Variants in EML6 observed in about 807,000 individuals in gnomAD.
EML6 encodes the protein EMAP like 6.
Under a neutral mutation model 240.1 loss-of-function variants are expected in EML6, and 154 were observed. The observed-to-expected ratio is 0.64, with a 90% CI of 0.56 to 0.73. The LOEUF (loss-of-function observed/expected upper bound fraction) is 0.73. Among genes scored for constraint, EML6 ranks in the 30% least tolerant of loss-of-function variants. The pLI, the probability that EML6 is intolerant of heterozygous loss-of-function variation, is 0.00. For synonymous variants in EML6, 1,148 were observed against 899.0 expected (o/e 1.28, Z -4.95); for missense variants, 2,964 against 2,474.6 (o/e 1.20, Z -4.20).
intron 2 of EML6, among the ~76,000 whole-genome samples, chr2:54,767,604 G>GTGTA (rs1558534845): frequency 8.0e-6 from 1 of 125,372 alleles, no homozygotes; most frequent in African/African-American, 2.7e-5. Context: ...AAGAGTGTGT[G>GTGTA]TGTGTGTGTG....
chr2:54,775,318 C>T (rs753070427), intron 2 of EML6, among the ~76,000 whole-genome samples: 1 of 152,190 alleles, frequency 6.6e-6, no homozygotes, highest in Non-Finnish European at 1.5e-5. Flanking sequence ...TCTGTCCCAG[C>T]CATTTTGCTC....
chr2:54,962,492 C>A, intron 35 of EML6, 31 bp from the exon 36 acceptor site: 1 of 1,498,180 alleles, frequency 6.7e-7, no homozygotes. Context: ...CAGTATTTGT[C>A]CTTTTTCTAA....
At chr2:54,953,543 G>C (rs1188703448) in intron 31 of EML6, among the ~76,000 whole-genome samples, 2 of 152,112 alleles carry the variant, frequency 1.3e-5, no homozygotes, top group Non-Finnish European at 2.9e-5. Context: ...GCCAGGTCAG[G>C]CTATAGGTCT....
chr2:54,896,224 G>A (rs1672759495), intron 21 of EML6, among the ~76,000 whole-genome samples: 1 of 152,104 alleles, frequency 6.6e-6, no homozygotes, highest in East Asian at 1.9e-4. Context: ...GTCCAGGTGT[G>A]GAAGAAGTGC....
At chr2:54,821,960 T>C (rs1313837262) in intron 5 of EML6, among the ~76,000 whole-genome samples, 2 of 152,168 alleles carry the variant, frequency 1.3e-5, no homozygotes, top group Non-Finnish European at 2.9e-5. Context: ...GATGCAACTG[T>C]AGAAATATTA....
chr2:54,903,071 A>G lies in EML6; in HGVS notation c.3152A>G (p.Asp1051Gly). Reference protein sequence around the residue: ...KGGRCCAFSPDGKALAVGLND... With the variant: ...KGGRCCAFSPGGKALAVGLND... ...GGAAGATGCTGTGCCTTTTCCCCTG[A>G]TGGGAAAGCCTTAGCGGTTGGCTTG... is the stretch of plus-strand genomic sequence containing the variant. The change falls in exon 23 of 42, where the codon GAT becomes GGT. Residue 1051 changes from aspartate (D) to glycine (G), a missense_variant. Physicochemically the swap from Asp to Gly is moderately conservative, Grantham distance 94. Coordinates refer to ENST00000356458, the MANE Select transcript of EML6 (RefSeq NM_001039753.4). The G allele has an allele frequency of 1.3e-6, 2 of 1,551,716 alleles. No homozygotes were observed. Among genetic ancestry groups the G allele is most frequent in the Non-Finnish European group, 1.7e-6 (2 of 1,146,988 alleles).
rs1287746433 is a variant in EML6 at position 54,827,856 on chromosome 2, G to A, written c.711+105G>A. 4.0e-6 allele frequency: 3 copies of A among 753,318 alleles called. No homozygotes were observed. The Admixed American group carries it at 7.4e-5, about 19-fold the overall frequency. 46.7% of individuals were successfully genotyped at this position (753,318 alleles called of 1,614,324 possible). On this transcript the variant is annotated intron_variant, in intron 6 of 41. Transcript: ENST00000356458. ...TCTTGCTTTAGAATCAGAGAACCCT[G>A]CTGAACACTCCCTACTCATGATAAT...
rs183600149 is a variant in EML6, at chr2:54,918,352, C to T, written c.3675+1417C>T. ...CATTCCATTTATTTATTTATTTTAA[C>T]TAATGAATGAATGAATGACAGGGTT... On this transcript the variant is annotated intron_variant, in intron 26 of 41. Coordinates refer to ENST00000356458, the MANE Select transcript of EML6 (RefSeq NM_001039753.4). 2.0e-5 allele frequency among the ~76,000 whole-genome samples: 3 copies of T among 152,260 alleles called. No individual in the cohort carries two copies. The East Asian group carries it at 5.8e-4, about 29-fold the overall frequency.
chr2:54,961,349 T>A lies in EML6; in HGVS notation c.4968+1015T>A, dbSNP rs187385868. Among the ~76,000 whole-genome samples, 76 of 151,500 alleles carry A rather than the reference T, an allele frequency of 5.0e-4. 1 individual carries two copies. The highest frequency in any genetic ancestry group is 1.8e-3 in the African/African-American group (76 of 41,236). ...ACAGGTGCCCACCACCATGCCCAGC[T>A]AATTTTTTGTATTTTTAGTAGAGAT... is the stretch of plus-strand genomic sequence containing the variant. On this transcript the variant is annotated intron_variant, in intron 35 of 41. Transcript: ENST00000356458.
At chr2:54,914,216 A>G (rs183268664) in intron 25 of EML6, among the ~76,000 whole-genome samples, 1 of 152,322 alleles carries the variant, frequency 6.6e-6, no homozygotes, top group Admixed American at 6.5e-5. Flanking sequence ...ATAGTTGTCA[A>G]TCTGGTTTTA....
intron 7 of EML6, among the ~76,000 whole-genome samples, chr2:54,842,760 C>G (rs1669531049): frequency 6.6e-6 from 1 of 152,184 alleles, no homozygotes; most frequent in African/African-American, 2.4e-5. Context: ...GATACTGAGA[C>G]TCAGGCAAGT....
At chr2:54,961,575 G>T (rs1329348054) in intron 35 of EML6, among the ~76,000 whole-genome samples, 1 of 152,064 alleles carries the variant, frequency 6.6e-6, no homozygotes, top group East Asian at 1.9e-4. Context: ...TTGCTCTGCA[G>T]TCACTGGAAT....
intron 16 of EML6, among the ~76,000 whole-genome samples, chr2:54,873,264 CATT>C (rs1671347565): frequency 6.6e-6 from 1 of 152,152 alleles, no homozygotes; most frequent in Admixed American, 6.5e-5. Flanking sequence ...GCTGCTGTAT[CATT>C]ATTAGAAGTT....
At chr2:54,905,049 A>C (rs1275610841) in intron 24 of EML6, among the ~76,000 whole-genome samples, 1 of 152,148 alleles carries the variant, frequency 6.6e-6, no homozygotes, top group Non-Finnish European at 1.5e-5. Flanking sequence ...AAGTCCCAAC[A>C]AGGGCAAAGG....
Position 54,970,540 on chromosome 2 carries a change from T to G in EML6, c.*445T>G, listed in dbSNP as rs1365415773. On this transcript the variant is annotated 3_prime_UTR_variant, in exon 42 of 42. Transcript: ENST00000356458. ...TACAAATAAGTTGAACAAGACAGCC[T>G]AAGTTAGATGCACCGAAGTACTAGA... The G allele has an allele frequency of 6.0e-6, 1 of 167,604 alleles. No homozygotes were observed. Among genetic ancestry groups the G allele is most frequent in the East Asian group, 1.6e-4 (1 of 6,394 alleles). The allele number at this position is 167,604 out of a possible 1,614,324, so 10.4% of individuals were successfully genotyped here.
chr2:54,859,706 A>T lies in EML6; in HGVS notation c.1825+5A>T. 1.3e-6 allele frequency: 2 copies of T among 1,525,244 alleles called. No individual in the cohort carries two copies. Among genetic ancestry groups the T allele is most frequent in the South Asian group, 1.3e-5 (1 of 79,312 alleles). The allele number at this position is 1,525,244 out of a possible 1,614,324, so 94.5% of individuals were successfully genotyped here. A position where few individuals can be genotyped will look rare whatever the true frequency, so the allele number is the denominator to read the frequency against. ...TGCTGGAAACTGCACCCCAAGGTAAACCCAGCAATAATTTCTTAACATCAT... is the reference window on the plus strand; with the variant it reads ...TGCTGGAAACTGCACCCCAAGGTAATCCCAGCAATAATTTCTTAACATCAT... On this transcript the variant is annotated splice_donor_5th_base_variant and intron_variant, in intron 12 of 41. Coordinates refer to ENST00000356458, the MANE Select transcript of EML6 (RefSeq NM_001039753.4).
At chr2:54,802,857 C>T (rs1343322999) in intron 2 of EML6, among the ~76,000 whole-genome samples, 2 of 152,150 alleles carry the variant, frequency 1.3e-5, no homozygotes, top group Non-Finnish European at 2.9e-5. Context: ...CACTCTTACA[C>T]ATGGAATCTT....
At chr2:54,785,569 T>C (rs1444933779) in intron 2 of EML6, among the ~76,000 whole-genome samples, 2 of 152,208 alleles carry the variant, frequency 1.3e-5, no homozygotes, top group African/African-American at 4.8e-5. Flanking sequence ...CTATAGTTAA[T>C]TTTATGCAGT....
chr2:54,886,737 G>A (rs1672167270), intron 17 of EML6, among the ~76,000 whole-genome samples: 1 of 152,098 alleles, frequency 6.6e-6, no homozygotes, highest in African/African-American at 2.4e-5. Context: ...TTTCTTTGTA[G>A]AATAGAGTGA....
Sources: gnomAD v4.1 joint callset for allele counts (sites outside exome capture counted in the v4.1 genomes callset) on GRCh38, gnomAD v4.1.1 for gene constraint, MANE v1.5 for transcripts, NCBI Gene and HGNC (gene_info 2026-07-23, HGNC 2026-07-21) for gene names.